POGZ: variants seen among roughly 807,000 people sequenced by gnomAD.
The protein encoded by POGZ is pogo transposable element derived with ZNF domain.
In POGZ, 17 loss-of-function variants were observed where a neutral mutation model predicts 134.6. The ratio of observed to expected loss-of-function variants is 0.13; its 90% CI spans 0.09 to 0.19. The LOEUF is 0.19. Ranked by LOEUF, POGZ falls within the 10% of genes least tolerant of loss-of-function variation. The pLI is 1.00. For synonymous variants in POGZ, 693 were observed against 657.1 expected, an observed-to-expected ratio of 1.05 and a Z score of -0.84; for missense variants, 1,306 against 1,769.7, an observed-to-expected ratio of 0.74 and a Z score of 4.70.
chr1:151,403,104 T>C lies in POGZ; in HGVS notation c.*1698A>G, dbSNP rs1327069467. 2.0e-6 allele frequency: 1 copy of C among 489,386 alleles called. No homozygotes were observed. Among genetic ancestry groups the C allele is most frequent in the East Asian group, 1.5e-4 (1 of 6,578 alleles). The allele number at this position is 489,386 out of a possible 1,614,324, so 30.3% of individuals were successfully genotyped here. ...GCTGGGGAAGAGAAGCCCAGATGGA[T>C]CCTTGGTTGTTTTCAGATGTCAAAG... On this transcript the variant is annotated 3_prime_UTR_variant, in exon 19 of 19. Coordinates refer to ENST00000271715, the MANE Select transcript of POGZ (RefSeq NM_015100.4).
intron 11 of POGZ, 102 bp from the exon 12 acceptor site, chr1:151,411,873 AGTTTTCTC>A: frequency 1.0e-6 from 1 of 989,864 alleles, no homozygotes; most frequent in Non-Finnish European, 1.4e-6. Context: ...AAAAAAAAAA[AGTTTTCTC>A]AAATGCATAG....
In POGZ at chr1:151,430,782, G is replaced by A; in HGVS notation, c.343C>T (p.Pro115Ser). 3.1e-6 allele frequency: 5 copies of A among 1,598,208 alleles called. No individual in the cohort carries two copies. The highest frequency in any genetic ancestry group is 4.3e-6 in the Non-Finnish European group (5 of 1,173,694). ...TGAGTAACCATTGTGCCCAGACCTG[G>A]GGCTGGATTCTGGGTCAGGATGAGT... ...QPLILTQNPA[P>S]GLGTMVTQPV... Residue 115 changes from proline (P) to serine (S), a missense_variant, in exon 4 of 19, where the codon CCA becomes TCA. This residue lies in a region of POGZ where 541 missense variants were observed against 680.5 expected (regional missense o/e 0.80). Coordinates refer to ENST00000271715, the MANE Select transcript of POGZ (RefSeq NM_015100.4).
intron 12 of POGZ, among the ~76,000 whole-genome samples, chr1:151,410,876 A>G (rs138768572): frequency 4.3e-4 from 65 of 152,298 alleles, no homozygotes; most frequent in African/African-American, 1.4e-3. Context: ...CTGCATTGCT[A>G]CCTTCACCTA....
intron 8 of POGZ, 22 bp from the exon 9 acceptor site, chr1:151,424,308 C>A: frequency 7.0e-7 from 1 of 1,431,352 alleles, no homozygotes; most frequent in African/African-American, 1.4e-5. Context: ...GACATCTGAT[C>A]ATTCTGGTTA....
chr1:151,438,481 T>C (rs562696939), intron 3 of POGZ, among the ~76,000 whole-genome samples: 12 of 152,308 alleles, frequency 7.9e-5, no homozygotes, highest in African/African-American at 2.9e-4. Flanking sequence ...AGTCAATTTA[T>C]ATTTTTTAGA....
Position 151,428,422 on chromosome 1 carries a change from G to T in POGZ, c.569-9C>A. 1 of 1,611,944 alleles carries T rather than the reference G, an allele frequency of 6.2e-7. No individual in the cohort carries two copies. Among genetic ancestry groups the T allele is most frequent in the African/African-American group, 1.3e-5 (1 of 75,010 alleles). The stretch of plus-strand genomic sequence containing the variant: ...AAACTGGGTACCTGGGGCTTTAAAA[G>T]AGAGACAAAGTACCAGATCTTGGTC... On this transcript the variant is annotated splice_polypyrimidine_tract_variant and intron_variant, in intron 5 of 18. Coordinates refer to ENST00000271715, the MANE Select transcript of POGZ (RefSeq NM_015100.4).
intron 2 of POGZ, 122 bp downstream of exon 2, chr1:151,441,959 T>G: frequency 1.5e-6 from 1 of 649,670 alleles, no homozygotes. Flanking sequence ...GCAGCACCAG[T>G]GAGTGCCACA....
chr1:151,423,499 C>T lies in POGZ; in HGVS notation c.1576G>A (p.Val526Ile). Residue 526 changes from valine (V) to isoleucine (I), a missense_variant, in exon 10 of 19, where the codon GTA (valine) becomes ATA (isoleucine). Coordinates refer to ENST00000271715, the MANE Select transcript of POGZ (RefSeq NM_015100.4). The part of the protein sequence containing the change: ...HVELDQQNGE[V>I]DGHTICQHCY... ...TGCTGGCAGATAGTGTGACCATCTA[C>T]CTCACCGTTCTGCTGATCGAGTTCT... is the stretch of plus-strand genomic sequence containing the variant. 1 of 1,613,718 alleles carries T rather than the reference C, an allele frequency of 6.2e-7. No homozygotes were observed. The highest frequency in any genetic ancestry group is 8.5e-7 in the Non-Finnish European group (1 of 1,179,628).
At position 151,405,597 on chromosome 1, in the gene POGZ, G is replaced by T. The variant is rs1221186930; in HGVS notation, c.3438C>A (p.Ala1146=). ...VLSSDDRKEN[A]LQTVGTGEPW... is the part of the protein sequence containing the mutation. ...GTTCCCCTGTGCCCACTGTCTGCAG[G>T]GCATTCTCCTTTCGATCATCACTGC... is the stretch of plus-strand genomic sequence containing the variant. Residue 1146 remains alanine, a synonymous_variant, in exon 19 of 19, where the codon GCC becomes GCA. Coordinates refer to ENST00000271715, the MANE Select transcript of POGZ (RefSeq NM_015100.4). The surrounding 1 kb of genome is among the most constrained non-coding windows in gnomAD (Gnocchi z 4.9). 1.2e-6 allele frequency: 2 copies of T among 1,614,174 alleles called. No individual in the cohort carries two copies. The highest frequency in any genetic ancestry group is 1.7e-6 in the Non-Finnish European group (2 of 1,180,028).
At chr1:151,417,126 C>T (rs145579142) in intron 10 of POGZ, among the ~76,000 whole-genome samples, 205 of 148,940 alleles carry the variant, frequency 1.4e-3, no homozygotes, top group East Asian at 0.013. Flanking sequence ...TGCAATGGTG[C>T]GATCTCAGCT....
At position 151,405,182 on chromosome 1, in the gene POGZ, G is replaced by A. The variant is rs762381513; in HGVS notation, c.3853C>T (p.Arg1285Trp). 26 of 1,614,034 alleles carry A rather than the reference G, an allele frequency of 1.6e-5. No individual in the cohort carries two copies. The highest frequency in any genetic ancestry group is 5.3e-5 in the African/African-American group (4 of 74,912). ...TCACATGCAGTATCTGCCATTTCCC[G>A]AGCCTGTTCCTTCCATTTTTTATGC... The part of the protein sequence containing the change: ...FLHKKWKEQA[R>W]EMADTACDSD... The change falls in exon 19 of 19, where the codon CGG becomes TGG. Residue 1285 changes from arginine to tryptophan, a missense_variant. Physicochemically the swap from Arg to Trp is moderately radical, Grantham distance 101. This residue lies in a region of POGZ where 67 missense variants were observed against 105.8 expected (regional missense o/e 0.63). Coordinates refer to ENST00000271715, the MANE Select transcript of POGZ (RefSeq NM_015100.4). The surrounding 1 kb of genome is among the most constrained non-coding windows in gnomAD (Gnocchi z 4.9).
Position 151,403,542 on chromosome 1 carries a change from C to T in POGZ, c.*1260G>A, listed in dbSNP as rs1339898044. Reference sequence around the variant, plus strand: ...CGGTACAGTACGTTTTGGTTTACAACCATGAGTACATACAATTAAAAAAAT... The same window carrying T: ...CGGTACAGTACGTTTTGGTTTACAATCATGAGTACATACAATTAAAAAAAT... On this transcript the variant is annotated 3_prime_UTR_variant, in exon 19 of 19. Transcript: ENST00000271715. The T allele has an allele frequency of 1.0e-6, 1 of 985,408 alleles. No individual in the cohort carries two copies. Among genetic ancestry groups the T allele is most frequent in the Non-Finnish European group, 1.2e-6 (1 of 829,588 alleles). The allele number at this position is 985,408 out of a possible 1,614,324, so 61.0% of individuals were successfully genotyped here. A position where few individuals can be genotyped will look rare whatever the true frequency, so the allele number is the denominator to read the frequency against.
In POGZ at chr1:151,449,417, C is replaced by T. The variant is rs531882045; in HGVS notation, c.-1-7212G>A. 2.7e-4 allele frequency among the ~76,000 whole-genome samples: 41 copies of T among 151,996 alleles called. 1 individual carries two copies. In the South Asian group the frequency reaches 6.0e-3, roughly 22 times the overall value. ...TACTGACCTATCTAGTGGGTAGTGG[C>T]CAGGAGTGCTACAGAACATCCTACA... On this transcript the variant is annotated intron_variant, in intron 1 of 18. Coordinates refer to ENST00000271715, the MANE Select transcript of POGZ (RefSeq NM_015100.4).
At chr1:151,434,932 G>A (rs963712571) in intron 3 of POGZ, among the ~76,000 whole-genome samples, 1 of 147,970 alleles carries the variant, frequency 6.8e-6, no homozygotes, top group African/African-American at 2.5e-5. Flanking sequence ...TTCACAAGGA[G>A]TTTTGCTCTG....
chr1:151,404,215 C>CT lies in POGZ; in HGVS notation c.*586dup, dbSNP rs912972084. 4.1e-6 allele frequency: 4 copies of CT among 985,432 alleles called. No homozygotes were observed. The highest frequency in any genetic ancestry group is 4.7e-5 in the South Asian group (1 of 21,284). 61.0% of individuals were successfully genotyped at this position (985,432 alleles called of 1,614,324 possible). ...AGAAGGAAGAGAGAGTTCAGTGGGA[C>CT]TTTTTTTCCATTTTCATTTTTATAT... On this transcript the variant is annotated 3_prime_UTR_variant, in exon 19 of 19. Coordinates refer to ENST00000271715, the MANE Select transcript of POGZ (RefSeq NM_015100.4).
At chr1:151,451,610 G>A (rs1396730689) in intron 1 of POGZ, among the ~76,000 whole-genome samples, 1 of 151,778 alleles carries the variant, frequency 6.6e-6, no homozygotes, top group Admixed American at 6.7e-5. Context: ...ACAGGTGTGA[G>A]GCACCGCGCC....
chr1:151,420,994 TATA>T (rs1656805229), intron 10 of POGZ, among the ~76,000 whole-genome samples: 1 of 149,436 alleles, frequency 6.7e-6, no homozygotes, highest in African/African-American at 2.4e-5. Context: ...TTTTCATATA[TATA>T]TATATATATA....
intron 10 of POGZ, among the ~76,000 whole-genome samples, chr1:151,416,242 G>GAA (rs1655658934): frequency 5.9e-5 from 6 of 101,194 alleles, no homozygotes; most frequent in African/African-American, 2.1e-4. Context: ...AAAAGAAAAA[G>GAA]AAAGAAAAGA....
chr1:151,411,219 ATCTC>A (rs1476335401), intron 12 of POGZ, among the ~76,000 whole-genome samples: 8 of 152,008 alleles, frequency 5.3e-5, no homozygotes, highest in Admixed American at 4.6e-4. Context: ...CCTACACTGA[ATCTC>A]TCTCAATTTC....
Sources: gnomAD v4.1 joint callset for allele counts (sites outside exome capture counted in the v4.1 genomes callset) on GRCh38, gnomAD v4.1.1 for gene constraint, gnomAD v4.1.1 regional missense constraint, Gnocchi (gnomAD v3.1) non-coding constraint, MANE v1.5 for transcripts, NCBI Gene and HGNC (gene_info 2026-07-23, HGNC 2026-07-21) for gene names.